The following GPD1L variants were observed in gnomAD, a reference collection of about 807,000 sequenced individuals.
GPD1L encodes glycerol-3-phosphate dehydrogenase 1 like.
Under a neutral mutation model 32.9 loss-of-function variants are expected in GPD1L, and 17 were observed. That is an observed-to-expected ratio of 0.52 (90% CI 0.35 to 0.78). The LOEUF (loss-of-function observed/expected upper bound fraction) is 0.78. Among genes scored for constraint, GPD1L ranks in the 30% least tolerant of loss-of-function variants. GPD1L has a pLI of 0.01. For missense variants in GPD1L, 361 were observed against 447.8 expected (o/e 0.81, Z 1.75); for synonymous variants, 187 against 165.9 (o/e 1.13, Z -0.98).
chr3:32,121,521 C>CTATATATATTTCTATA lies in GPD1L; in HGVS notation c.48-6540_48-6539insATATATATATTTCTAT, dbSNP rs1559570484. Among the ~76,000 whole-genome samples, 24 of 37,148 alleles carry CTATATATATTTCTATA rather than the reference C, an allele frequency of 6.5e-4. 3 individuals carry two copies. The South Asian group carries it at 9.6e-3, about 15-fold the overall frequency. The allele number at this position is 37,148 out of a possible 152,430, so 24.4% of individuals were successfully genotyped here. ...TATTTCTCTCTATATATATTTCTCT[C>CTATATATATTTCTATA]TATATATATTTCTATGTATATATTT... On this transcript the variant is annotated intron_variant, in intron 1 of 7. Transcript: ENST00000282541.
chr3:32,140,863 A>G (rs1700732639), intron 4 of GPD1L, among the ~76,000 whole-genome samples: 1 of 152,258 alleles, frequency 6.6e-6, no homozygotes, highest in Non-Finnish European at 1.5e-5. Context: ...TGTAGAAGCC[A>G]GGAACAAATT....
intron 5 of GPD1L, among the ~76,000 whole-genome samples, chr3:32,155,755 C>T (rs548003049): frequency 6.6e-6 from 1 of 152,324 alleles, no homozygotes; most frequent in Non-Finnish European, 1.5e-5. Flanking sequence ...ATTGCACCAA[C>T]TTTCCTGAAA....
At chr3:32,162,139 C>T (rs1012711264) in intron 7 of GPD1L, among the ~76,000 whole-genome samples, 2 of 152,174 alleles carry the variant, frequency 1.3e-5, no homozygotes, top group East Asian at 1.9e-4. Context: ...TTCTGTGCCC[C>T]GGTGTTCTTA....
chr3:32,130,598 A>G (rs895448862), intron 2 of GPD1L, among the ~76,000 whole-genome samples: 1 of 152,116 alleles, frequency 6.6e-6, no homozygotes, highest in African/African-American at 2.4e-5. Context: ...TGACTTCACC[A>G]TGTCATTGCC....
chr3:32,159,091 C>T lies in GPD1L; in HGVS notation c.834C>T (p.Ala278=), dbSNP rs1204498854. 6.2e-7 allele frequency: 1 copy of T among 1,613,586 alleles called. No individual in the cohort carries two copies. The highest frequency in any genetic ancestry group is 1.7e-5 in the Admixed American group (1 of 60,028). Residue 278 remains alanine, a synonymous_variant, in exon 6 of 8, where the codon GCC becomes GCT. Transcript: ENST00000282541. ...GGCGGAACCGCAGGGTGGCCGAGGCCTTCGCCAGAACTGGGAAGGTAGCCC... is the reference window on the plus strand; with the variant it reads ...GGCGGAACCGCAGGGTGGCCGAGGCTTTCGCCAGAACTGGGAAGGTAGCCC... ...YGGRNRRVAE[A]FARTGKTIEE...
rs1275948228 is a variant in GPD1L, at chr3:32,140,242, C to G, written c.381C>G (p.Gly127=). ...CATCCTTGTAGGGCATAGACGAGGG[C>G]CCCGAGGGGCTGAAGCTCATTTCTG... is the stretch of plus-strand genomic sequence containing the variant. ...GITLIKGIDE[G]PEGLKLISDI... is the part of the protein sequence containing the mutation. Residue 127 remains glycine, a synonymous_variant, in exon 4 of 8, where the codon GGC becomes GGG. Transcript: ENST00000282541. 6.2e-7 allele frequency: 1 copy of G among 1,613,980 alleles called. No individual in the cohort carries two copies. The highest frequency in any genetic ancestry group is 1.1e-5 in the South Asian group (1 of 91,072).
intron 5 of GPD1L, among the ~76,000 whole-genome samples, chr3:32,148,651 C>T (rs961178348): frequency 6.6e-6 from 1 of 152,200 alleles, no homozygotes; most frequent in Non-Finnish European, 1.5e-5. Context: ...AACACTGGCA[C>T]ACTCGGAGCG....
At chr3:32,130,659 G>A (rs968080766) in intron 2 of GPD1L, among the ~76,000 whole-genome samples, 5 of 152,180 alleles carry the variant, frequency 3.3e-5, no homozygotes, top group African/African-American at 9.6e-5. Flanking sequence ...CTTTAGATCC[G>A]AATGAAAAGA....
At position 32,159,020 on chromosome 3, in the gene GPD1L, C is replaced by T. The variant is rs202047839; in HGVS notation, c.763C>T (p.Leu255=). The part of the protein sequence containing the change: ...CKGQVSTATF[L]ESCGVADLIT... ...AGGCCAAGTGTCTACAGCCACCTTC[C>T]TAGAGAGCTGCGGGGTGGCCGACCT... The change falls in exon 6 of 8, where the codon CTA becomes TTA. Residue 255 remains leucine, a synonymous_variant. Coordinates refer to ENST00000282541, the MANE Select transcript of GPD1L (RefSeq NM_015141.4). 1 of 1,614,006 alleles carries T rather than the reference C, an allele frequency of 6.2e-7. No individual in the cohort carries two copies. The highest frequency in any genetic ancestry group is 1.7e-5 in the Admixed American group (1 of 60,030).
In GPD1L at chr3:32,116,324, T is replaced by C. The variant is rs552017794; in HGVS notation, c.47+9566T>C. 7.6e-4 allele frequency among the ~76,000 whole-genome samples: 116 copies of C among 152,356 alleles called. 1 individual carries two copies. The highest frequency in any genetic ancestry group is 2.7e-3 in the African/African-American group (111 of 41,588). On this transcript the variant is annotated intron_variant, in intron 1 of 7. Transcript: ENST00000282541. ...TTCACATTTGTCTTCAACTGTGGTT[T>C]ATACTTGTCCCAGTCTAATTTCAGA...
At chr3:32,129,692 C>T (rs1700559256) in intron 2 of GPD1L, among the ~76,000 whole-genome samples, 1 of 152,156 alleles carries the variant, frequency 6.6e-6, no homozygotes, top group Non-Finnish European at 1.5e-5. Flanking sequence ...CATTTCCCTA[C>T]AGTTATTCTT....
At chr3:32,154,994 C>T in intron 5 of GPD1L, among the ~76,000 whole-genome samples, 1 of 152,178 alleles carries the variant, frequency 6.6e-6, no homozygotes. Context: ...AGCAATCCAC[C>T]CACCCCAGCC....
chr3:32,120,872 C>A (rs1041820116), intron 1 of GPD1L, among the ~76,000 whole-genome samples: 2 of 152,244 alleles, frequency 1.3e-5, no homozygotes, highest in African/African-American at 4.8e-5. Flanking sequence ...AAATACTACA[C>A]CTTTTTAGAG....
chr3:32,152,248 C>T lies in GPD1L; in HGVS notation c.618+5514C>T, dbSNP rs191476720. ...AACTGTACTGGCTGAACAAGGTAGA[C>T]GTTTCTTTCTTTCTTATGTAAAATC... On this transcript the variant is annotated intron_variant, in intron 5 of 7. Coordinates refer to ENST00000282541, the MANE Select transcript of GPD1L (RefSeq NM_015141.4). Among the ~76,000 whole-genome samples, 59 of 152,276 alleles carry T rather than the reference C, an allele frequency of 3.9e-4. 1 individual carries two copies. The East Asian group carries it at 7.7e-3, about 20-fold the overall frequency.
rs539068850 is a variant in GPD1L, at chr3:32,115,758, C to CTTTTTT, written c.47+9043_47+9048dup. Among the ~76,000 whole-genome samples the CTTTTTT allele has an allele frequency of 2.0e-3, 91 of 45,086 alleles. 34 individuals carry two copies. Among genetic ancestry groups the CTTTTTT allele is most frequent in the Non-Finnish European group, 3.5e-3 (72 of 20,538 alleles). 29.6% of individuals were successfully genotyped at this position (45,086 alleles called of 152,430 possible). On this transcript the variant is annotated intron_variant, in intron 1 of 7. Coordinates refer to ENST00000282541, the MANE Select transcript of GPD1L (RefSeq NM_015141.4). ...CTAAACCCTTTTCGTGTACGTTGAA[C>CTTTTTT]TTTTTTTTTTTTTTTTTTTTTTTTT...
chr3:32,137,691 T>C lies in GPD1L; in HGVS notation c.226-896T>C, dbSNP rs79560812. ...AGCAAGAAGCCTTTGCCAGAGACCATGTGCCCTGGAGTCCGCACGGCATGC... is the reference window on the plus strand; with the variant it reads ...AGCAAGAAGCCTTTGCCAGAGACCACGTGCCCTGGAGTCCGCACGGCATGC... On this transcript the variant is annotated intron_variant, in intron 2 of 7. Transcript: ENST00000282541. Among the ~76,000 whole-genome samples the C allele has an allele frequency of 0.024, 3,609 of 152,306 alleles. 296 individuals are homozygous for C. In the East Asian group the frequency reaches 0.25, roughly 11 times the overall value.
At chr3:32,135,272 A>G (rs1410724681) in intron 2 of GPD1L, among the ~76,000 whole-genome samples, 1 of 152,202 alleles carries the variant, frequency 6.6e-6, no homozygotes, top group Non-Finnish European at 1.5e-5. Context: ...AGTAGGGTGC[A>G]TAAATGCCCA....
chr3:32,158,720 A>C, intron 5 of GPD1L, 156 bp from the exon 6 acceptor site: 1 of 1,494,444 alleles, frequency 6.7e-7, no homozygotes, highest in South Asian at 1.3e-5. Context: ...CATCTCTTTC[A>C]CCCAGGTGTA....
At chr3:32,154,422 T>C (rs1700960471) in intron 5 of GPD1L, among the ~76,000 whole-genome samples, 1 of 152,188 alleles carries the variant, frequency 6.6e-6, no homozygotes, top group South Asian at 2.1e-4. Context: ...CATACAGTCC[T>C]GCTTGGATGG....
Sources: gnomAD v4.1 joint callset for allele counts (sites outside exome capture counted in the v4.1 genomes callset) on GRCh38, gnomAD v4.1.1 for gene constraint, MANE v1.5 for transcripts, NCBI Gene and HGNC (gene_info 2026-07-23, HGNC 2026-07-21) for gene names.